Variants in CDH13 observed in about 807,000 individuals in gnomAD.
The protein encoded by CDH13 is cadherin-13.
CDH13 carries 24 observed loss-of-function variants against 63.8 expected under a neutral mutation model. The ratio of observed to expected loss-of-function variants is 0.38; its 90% CI spans 0.27 to 0.53. The LOEUF is 0.53. CDH13 is among the 20% of genes least tolerant of loss of function. The pLI, the probability that CDH13 is intolerant of heterozygous loss-of-function variation, is 0.85. For missense variants in CDH13, 1,049 were observed against 903.1 expected, an observed-to-expected ratio of 1.16 and a Z score of -2.07; for synonymous variants, 503 against 355.3, an observed-to-expected ratio of 1.42 and a Z score of -4.67.
intron 10 of CDH13, among the ~76,000 whole-genome samples, chr16:83,743,748 C>CTTTTTTCTTT (rs1912281994): frequency 1.3e-5 from 1 of 76,258 alleles, no homozygotes; most frequent in African/African-American, 5.5e-5. Context: ...TTTCTTTTTT[C>CTTTTTTCTTT]TTTTTTTTTT....
intron 1 of CDH13, among the ~76,000 whole-genome samples, chr16:82,814,516 A>G (rs940706882): frequency 5.3e-5 from 8 of 152,130 alleles, no homozygotes; most frequent in African/African-American, 1.7e-4. Flanking sequence ...CAGGGGTTAA[A>G]GGGCTTCCAG....
chr16:83,609,636 T>C (rs1908676002), intron 8 of CDH13, among the ~76,000 whole-genome samples: 1 of 152,252 alleles, frequency 6.6e-6, no homozygotes, highest in Admixed American at 6.5e-5. Flanking sequence ...GGCAGAATGA[T>C]GTCAGGATAC....
intron 6 of CDH13, among the ~76,000 whole-genome samples, chr16:83,434,699 A>C (rs1439078930): frequency 6.6e-6 from 1 of 151,670 alleles, no homozygotes. Flanking sequence ...AGCCCTGCCG[A>C]TGTCACCCCT....
chr16:82,999,160 A>G (rs948333876), intron 2 of CDH13, among the ~76,000 whole-genome samples: 6 of 151,984 alleles, frequency 3.9e-5, no homozygotes, highest in South Asian at 2.1e-4. Context: ...CCTCTTATCT[A>G]TGTACCTTGT....
chr16:83,502,321 G>A (rs1183729414), intron 7 of CDH13, among the ~76,000 whole-genome samples: 2 of 152,124 alleles, frequency 1.3e-5, no homozygotes. Context: ...TCTAGTGCTG[G>A]CTTTGAAGAT....
chr16:83,537,143 A>C (rs997818313), intron 7 of CDH13, among the ~76,000 whole-genome samples: 1 of 152,214 alleles, frequency 6.6e-6, no homozygotes, highest in Non-Finnish European at 1.5e-5. Flanking sequence ...GAAACCACAG[A>C]TTTGGAGTAG....
intron 7 of CDH13, among the ~76,000 whole-genome samples, chr16:83,508,829 CTT>C (rs1162684763): frequency 6.6e-6 from 1 of 152,208 alleles, no homozygotes; most frequent in African/African-American, 2.4e-5. Flanking sequence ...ATTATTCTCT[CTT>C]GTCTTCTATA....
chr16:82,943,989 C>G (rs1237065724), intron 2 of CDH13, among the ~76,000 whole-genome samples: 1 of 152,194 alleles, frequency 6.6e-6, no homozygotes, highest in Admixed American at 6.5e-5. Flanking sequence ...CTGGCTTCCA[C>G]TGCAGTGAAT....
intron 1 of CDH13, among the ~76,000 whole-genome samples, chr16:82,680,618 A>T (rs1239360615): frequency 6.6e-6 from 1 of 152,104 alleles, no homozygotes; most frequent in South Asian, 2.1e-4. Flanking sequence ...TCATTATATT[A>T]CTCCCCATCC....
At chr16:83,763,299 G>C (rs1194884561) in intron 11 of CDH13, among the ~76,000 whole-genome samples, 1 of 152,180 alleles carries the variant, frequency 6.6e-6, no homozygotes, top group African/African-American at 2.4e-5. Flanking sequence ...CATAGGCTAA[G>C]ATATATCATG....
At chr16:83,222,125 G>A (rs1374429483) in intron 5 of CDH13, among the ~76,000 whole-genome samples, 2 of 152,144 alleles carry the variant, frequency 1.3e-5, no homozygotes, top group Admixed American at 6.5e-5. Context: ...TCTAGAACAG[G>A]TAACTGGAAC....
intron 9 of CDH13, among the ~76,000 whole-genome samples, chr16:83,675,393 T>C (rs1216136758): frequency 6.6e-6 from 1 of 152,096 alleles, no homozygotes; most frequent in Admixed American, 6.5e-5. Flanking sequence ...ATTGTATGGC[T>C]CCCTCCCTCG....
intron 7 of CDH13, among the ~76,000 whole-genome samples, chr16:83,514,197 A>T (rs780339562): frequency 6.6e-6 from 1 of 152,204 alleles, no homozygotes; most frequent in Admixed American, 6.5e-5. Context: ...AATAAATCCC[A>T]TTATCACTTT....
intron 10 of CDH13, among the ~76,000 whole-genome samples, chr16:83,692,800 C>G (rs1251487708): frequency 1.3e-5 from 2 of 152,148 alleles, no homozygotes; most frequent in South Asian, 2.1e-4. Flanking sequence ...AAGCACATAG[C>G]CGGCTGGGCA....
At chr16:83,109,249 T>C (rs935723765) in intron 3 of CDH13, among the ~76,000 whole-genome samples, 1 of 152,156 alleles carries the variant, frequency 6.6e-6, no homozygotes, top group Non-Finnish European at 1.5e-5. Context: ...TGGGAAATTT[T>C]CCCAGGTGGA....
intron 6 of CDH13, among the ~76,000 whole-genome samples, chr16:83,479,899 G>A (rs891383241): frequency 3.3e-5 from 5 of 152,196 alleles, no homozygotes; most frequent in African/African-American, 1.2e-4. Flanking sequence ...GTGATGGAGT[G>A]AGAGGGTGTC....
Position 83,649,099 on chromosome 16 carries a change from T to G in CDH13, c.1102-21691T>G, listed in dbSNP as rs1040644696. Among the ~76,000 whole-genome samples the G allele has an allele frequency of 3.0e-4, 45 of 152,336 alleles. 1 individual carries two copies. Among genetic ancestry groups the G allele is most frequent in the Admixed American group, 2.6e-3 (40 of 15,308 alleles). ...TGTGACTATTCCTGTTTTCTACTTA[T>G]GAAGTCCAGCCTCCTCGCCCCCCAT... On this transcript the variant is annotated intron_variant, in intron 8 of 13. Coordinates refer to ENST00000567109, the MANE Select transcript of CDH13 (RefSeq NM_001257.5).
chr16:83,754,809 C>A (rs1386780319), intron 11 of CDH13, among the ~76,000 whole-genome samples: 4 of 152,048 alleles, frequency 2.6e-5, no homozygotes, highest in African/African-American at 9.7e-5. Context: ...TTTAAATTGC[C>A]CAGTCTCTGG....
intron 3 of CDH13, among the ~76,000 whole-genome samples, chr16:83,050,393 C>T (rs369512988): frequency 6.6e-6 from 1 of 152,164 alleles, no homozygotes; most frequent in African/African-American, 2.4e-5. Flanking sequence ...GCAGCTGAAC[C>T]ACTTTAATTC....
Sources: allele counts gnomAD v4.1 joint callset (sites outside exome capture counted in the v4.1 genomes callset), GRCh38; gene constraint gnomAD v4.1.1; transcripts MANE v1.5; gene names NCBI Gene and HGNC (gene_info 2026-07-23, HGNC 2026-07-21).